COL11A1: variants seen among roughly 807,000 people sequenced by gnomAD.
The protein encoded by COL11A1 is collagen alpha-1(XI) chain.
In COL11A1, 74 loss-of-function variants were observed where a neutral mutation model predicts 265.2. The ratio of observed to expected loss-of-function variants is 0.28; its 90% CI spans 0.23 to 0.34. The LOEUF is 0.34. Among genes scored for constraint, COL11A1 ranks in the 10% least tolerant of loss-of-function variants. The probability of loss-of-function intolerance (pLI) is 1.00; values close to 1 mark genes in which losing one functional copy is unlikely to be tolerated. For synonymous variants in COL11A1, 816 were observed against 727.6 expected (o/e 1.12, Z -1.96); for missense variants, 2,165 against 2,263.6 (o/e 0.96, Z 0.88).
chr1:102,957,212 C>T (rs1660462611), intron 41 of COL11A1, among the ~76,000 whole-genome samples: 1 of 151,864 alleles, frequency 6.6e-6, no homozygotes, highest in Non-Finnish European at 1.5e-5. Flanking sequence ...AGAATAGATG[C>T]TAAATATACT....
At chr1:102,973,080 ACTT>A (rs1415517182) in intron 36 of COL11A1, among the ~76,000 whole-genome samples, 1 of 151,972 alleles carries the variant, frequency 6.6e-6, no homozygotes, top group Non-Finnish European at 1.5e-5. Flanking sequence ...CTCTACCCCA[ACTT>A]CTTCTTTCTA....
At chr1:102,912,790 TCA>T (rs1654843653) in intron 53 of COL11A1, among the ~76,000 whole-genome samples, 1 of 152,146 alleles carries the variant, frequency 6.6e-6, no homozygotes, top group African/African-American at 2.4e-5. Flanking sequence ...GAGTGAGTTC[TCA>T]CGAGATCTGA....
chr1:103,074,517 C>A (rs1442398620), intron 4 of COL11A1, 101 bp downstream of exon 4: 1 of 1,346,588 alleles, frequency 7.4e-7, no homozygotes, highest in African/African-American at 1.4e-5. Context: ...GAGTTTTCAA[C>A]TTTGCTTTAT....
At chr1:102,979,625 A>G in intron 31 of COL11A1, 190 bp from the exon 32 acceptor site, 1 of 683,148 alleles carries the variant, frequency 1.5e-6, no homozygotes, top group Non-Finnish European at 2.7e-6. Context: ...GGAAGCATTG[A>G]AAGCACAAAT....
At chr1:102,977,647 C>A (rs941380043) in intron 35 of COL11A1, among the ~76,000 whole-genome samples, 1 of 152,038 alleles carries the variant, frequency 6.6e-6, no homozygotes, top group Non-Finnish European at 1.5e-5. Flanking sequence ...AATTATTTAG[C>A]CTTTTTAATT....
chr1:103,098,153 G>A (rs556214027), intron 1 of COL11A1, among the ~76,000 whole-genome samples: 48 of 151,902 alleles, frequency 3.2e-4, no homozygotes, highest in South Asian at 1.2e-3. Flanking sequence ...AATATTTATT[G>A]GCATTTAGTT....
intron 57 of COL11A1, among the ~76,000 whole-genome samples, chr1:102,891,358 C>G (rs928634032): frequency 6.6e-6 from 1 of 151,854 alleles, no homozygotes; most frequent in Non-Finnish European, 1.5e-5. Flanking sequence ...CACCTCATAT[C>G]TAAATGATTT....
chr1:102,983,362 GA>G (rs1391196273), intron 31 of COL11A1, among the ~76,000 whole-genome samples: 3 of 151,622 alleles, frequency 2.0e-5, no homozygotes, highest in Admixed American at 6.6e-5. Flanking sequence ...ACTTGGAAAA[GA>G]AAAAAAAGTC....
At chr1:103,003,936 G>T (rs1035056959) in intron 20 of COL11A1, among the ~76,000 whole-genome samples, 2 of 152,086 alleles carry the variant, frequency 1.3e-5, no homozygotes, top group African/African-American at 4.8e-5. Flanking sequence ...GTAGAATGCA[G>T]CAATTTAAAA....
intron 4 of COL11A1, among the ~76,000 whole-genome samples, chr1:103,035,175 G>C (rs1190864255): frequency 6.6e-6 from 1 of 151,920 alleles, no homozygotes; most frequent in African/African-American, 2.4e-5. Context: ...TTCTCCTCAG[G>C]TCTTTCCTGG....
In COL11A1 at chr1:103,029,758, T is replaced by C. The variant is rs576052904; in HGVS notation, c.780+1358A>G. Among the ~76,000 whole-genome samples the C allele has an allele frequency of 8.5e-5, 13 of 152,098 alleles. No homozygotes were observed. The East Asian group carries it at 2.5e-3, about 29-fold the overall frequency. ...ACATGTCAACAACTAAAATAGTAAA[T>C]GGCAAGTTCATTTTTAAATGAACTT... On this transcript the variant is annotated intron_variant, in intron 5 of 66. Transcript: ENST00000370096.
chr1:103,073,803 T>C (rs2102276848), intron 4 of COL11A1, among the ~76,000 whole-genome samples: 1 of 152,130 alleles, frequency 6.6e-6, no homozygotes, highest in East Asian at 1.9e-4. Flanking sequence ...TATATATATG[T>C]GTGTGTACAC....
intron 15 of COL11A1, among the ~76,000 whole-genome samples, chr1:103,006,525 C>CCTTTTT (rs1557935689): frequency 2.6e-5 from 2 of 76,206 alleles, no homozygotes; most frequent in Non-Finnish European, 6.0e-5. Context: ...TAAATGGCTC[C>CCTTTTT]ATTTTTTTTT....
intron 13 of COL11A1, among the ~76,000 whole-genome samples, chr1:103,013,051 T>G (rs1186214941): frequency 6.6e-6 from 1 of 152,124 alleles, no homozygotes; most frequent in Non-Finnish European, 1.5e-5. Context: ...ATTAGAAATG[T>G]GAAATTAGCA....
At chr1:102,987,808 A>G (rs1663730507) in intron 29 of COL11A1, 68 bp from the exon 30 acceptor site, 1 of 1,153,736 alleles carries the variant, frequency 8.7e-7, no homozygotes, top group African/African-American at 1.5e-5. Flanking sequence ...CAGGGAAAAA[A>G]TTATGACAGT....
At chr1:102,892,975 C>T (rs1473331668) in intron 57 of COL11A1, among the ~76,000 whole-genome samples, 2 of 152,076 alleles carry the variant, frequency 1.3e-5, no homozygotes, top group Non-Finnish European at 2.9e-5. Context: ...AACAATCATC[C>T]TGCCCTGTTA....
At chr1:102,916,306 G>A (rs114030620) in intron 49 of COL11A1, among the ~76,000 whole-genome samples, 2,130 of 152,128 alleles carry the variant, frequency 0.014, 62 homozygotes, top group African/African-American at 0.049. Context: ...TTCTAGCCCA[G>A]TGGACTAATA....
Position 102,927,575 on chromosome 1 carries a change from G to A in COL11A1, c.3601-4186C>T, listed in dbSNP as rs146495917. Reference sequence around the variant, plus strand: ...GGAGAATGGCATGAACCTGGGAAGCGGAGCTTGCAGTGAGCCGAGAGCAGG... The same window carrying A: ...GGAGAATGGCATGAACCTGGGAAGCAGAGCTTGCAGTGAGCCGAGAGCAGG... On this transcript the variant is annotated intron_variant, in intron 46 of 66. Coordinates refer to ENST00000370096, the MANE Select transcript of COL11A1 (RefSeq NM_001854.4). Among the ~76,000 whole-genome samples, 751 of 152,148 alleles carry A rather than the reference G, an allele frequency of 4.9e-3. 4 individuals carry two copies. Among genetic ancestry groups the A allele is most frequent in the South Asian group, 9.7e-3 (47 of 4,826 alleles).
Position 103,061,313 on chromosome 1 carries a change from A to T in COL11A1, c.651+13305T>A, listed in dbSNP as rs185753708. Among the ~76,000 whole-genome samples the T allele has an allele frequency of 6.6e-5, 10 of 152,286 alleles. No homozygotes were observed. The East Asian group carries it at 1.9e-3, about 29-fold the overall frequency. On this transcript the variant is annotated intron_variant, in intron 4 of 66. Coordinates refer to ENST00000370096, the MANE Select transcript of COL11A1 (RefSeq NM_001854.4). Reference sequence around the variant, plus strand: ...ATCCACTATTACATTTAAATGGTAAACACCATTCTAACAGAAATGAAAATA... The same window carrying T: ...ATCCACTATTACATTTAAATGGTAATCACCATTCTAACAGAAATGAAAATA...
Sources: allele counts gnomAD v4.1 joint callset (sites outside exome capture counted in the v4.1 genomes callset), GRCh38; gene constraint gnomAD v4.1.1; transcripts MANE v1.5; gene names NCBI Gene and HGNC (gene_info 2026-07-23, HGNC 2026-07-21).